The following GSDME variants were observed in gnomAD, a reference collection of about 807,000 sequenced individuals.
GSDME encodes gasdermin E.
A neutral mutation model predicts 47.5 loss-of-function variants in GSDME; 44 were observed. The observed-to-expected ratio is 0.93, with a 90% CI of 0.73 to 1.19. The LOEUF (loss-of-function observed/expected upper bound fraction) is 1.19. Ranked by LOEUF, GSDME falls within the 50% of genes most tolerant of loss-of-function variation. The pLI is 0.00. For synonymous variants in GSDME, 258 were observed against 252.8 expected, an observed-to-expected ratio of 1.02 and a Z score of -0.20; for missense variants, 663 against 604.2, an observed-to-expected ratio of 1.10 and a Z score of -1.02.
chr7:24,732,303 C>G lies in GSDME; in HGVS notation c.404+12259G>C, dbSNP rs539700995. 6.6e-6 allele frequency among the ~76,000 whole-genome samples: 1 copy of G among 152,112 alleles called. No individual in the cohort carries two copies. Among genetic ancestry groups the G allele is most frequent in the Non-Finnish European group, 1.5e-5 (1 of 68,026 alleles). On this transcript the variant is annotated intron_variant, in intron 3 of 9. Coordinates refer to ENST00000645220, the MANE Select transcript of GSDME (RefSeq NM_001127453.2). This position sits in a 1 kb window ranked among gnomAD's most constrained non-coding sequence, Gnocchi z 4.8. Reference sequence around the variant, plus strand: ...AGCCCAGTTCAAACTTTGTTTTTTCCAAGAAAGACATGGCTCCTCAAATCT... The same window carrying G: ...AGCCCAGTTCAAACTTTGTTTTTTCGAAGAAAGACATGGCTCCTCAAATCT...
At position 24,724,498 on chromosome 7, in the gene GSDME, G is replaced by A. The variant is rs1789902119; in HGVS notation, c.405-5280C>T. Among the ~76,000 whole-genome samples the A allele has an allele frequency of 6.6e-6, 1 of 152,216 alleles. No individual in the cohort carries two copies. The highest frequency in any genetic ancestry group is 2.1e-4 in the South Asian group (1 of 4,828). On this transcript the variant is annotated intron_variant, in intron 3 of 9. Coordinates refer to ENST00000645220, the MANE Select transcript of GSDME (RefSeq NM_001127453.2). The surrounding 1 kb of genome is among the most constrained non-coding windows in gnomAD (Gnocchi z 4.8). ...TCCTGGCGGGGGCGGCAACGTGAAA[G>A]CAAGAACAGGAGGCCACTGAGGCAG...
In GSDME at chr7:24,724,440, G is replaced by A. The variant is rs772412046; in HGVS notation, c.405-5222C>T. On this transcript the variant is annotated intron_variant, in intron 3 of 9. Coordinates refer to ENST00000645220, the MANE Select transcript of GSDME (RefSeq NM_001127453.2). The surrounding 1 kb of genome is among the most constrained non-coding windows in gnomAD (Gnocchi z 4.8). Reference sequence around the variant, plus strand: ...ATGAACAAGCAGAGGTTCTTCATCCGCTTCACACATCTAAGGGCAGGCTCC... The same window carrying A: ...ATGAACAAGCAGAGGTTCTTCATCCACTTCACACATCTAAGGGCAGGCTCC... Among the ~76,000 whole-genome samples the A allele has an allele frequency of 5.3e-5, 8 of 152,154 alleles. No individual in the cohort carries two copies. The highest frequency in any genetic ancestry group is 1.0e-4 in the Non-Finnish European group (7 of 68,036).
chr7:24,702,877 C>T (rs1272265867), intron 8 of GSDME, 44 bp from the exon 9 acceptor site: 25 of 1,565,328 alleles, frequency 1.6e-5, no homozygotes, highest in Non-Finnish European at 2.2e-5. Context: ...AAAAACAAGT[C>T]CATGGGAACA....
the GSDME span, among the ~76,000 whole-genome samples, chr7:24,786,028 T>C: frequency 6.6e-6 from 1 of 152,252 alleles, no homozygotes; most frequent in African/African-American, 2.4e-5. This position sits in a 1 kb window ranked among gnomAD's most constrained non-coding sequence, Gnocchi z 5.5. Flanking sequence ...GGCAGGGCTG[T>C]GTCTGGCACA....
rs13229064 is a variant in GSDME at position 24,735,002 on chromosome 7, T to C, written c.404+9560A>G. On this transcript the variant is annotated intron_variant, in intron 3 of 9. Coordinates refer to ENST00000645220, the MANE Select transcript of GSDME (RefSeq NM_001127453.2). This position sits in a 1 kb window ranked among gnomAD's most constrained non-coding sequence, Gnocchi z 4.4. ...AAGAAGACTATCTCAAGGCATTTAA[T>C]AAGCAAATTCCCAAAAATCAAGGAT... Among the ~76,000 whole-genome samples the C allele has an allele frequency of 6.1e-3, 933 of 152,176 alleles. 3 individuals are homozygous for C. Among genetic ancestry groups the C allele is most frequent in the Admixed American group, 0.01 (158 of 15,286 alleles).
chr7:24,699,435 C>T (rs747786746), intron 9 of GSDME, among the ~76,000 whole-genome samples, 176 bp from the exon 10 acceptor site: 1 of 152,130 alleles, frequency 6.6e-6, no homozygotes, highest in Non-Finnish European at 1.5e-5. Context: ...CTCCAGCTCC[C>T]AGGTTCAAGC....
Position 24,706,204 on chromosome 7 carries a change from A to C in GSDME, c.1163T>G (p.Phe388Cys), listed in dbSNP as rs1584048895. Reference sequence around the variant, plus strand: ...CTTACCTGCGAGGGCACTGACCAAGAAGTAGGCTGTCATAAACAGCTGCTT... The same window carrying C: ...CTTACCTGCGAGGGCACTGACCAAGCAGTAGGCTGTCATAAACAGCTGCTT... ...GSKQLFMTAY[F>C]LVSALAEMPD... The change falls in exon 8 of 10, where the codon TTC (phenylalanine) becomes TGC (cysteine). Residue 388 changes from phenylalanine (F) to cysteine (C), a missense_variant. Phe to Cys is a radical substitution (Grantham distance 205). Coordinates refer to ENST00000645220, the MANE Select transcript of GSDME (RefSeq NM_001127453.2). 6.2e-7 allele frequency: 1 copy of C among 1,614,196 alleles called. No homozygotes were observed. Among genetic ancestry groups the C allele is most frequent in the East Asian group, 2.2e-5 (1 of 44,882 alleles).
Position 24,736,573 on chromosome 7 carries a change from G to A in GSDME, c.404+7989C>T, listed in dbSNP as rs75861367. On this transcript the variant is annotated intron_variant, in intron 3 of 9. Transcript: ENST00000645220. This position sits in a 1 kb window ranked among gnomAD's most constrained non-coding sequence, Gnocchi z 4.6. ...ATAGGCCCCCAGTGCAGTAATACCT[G>A]GAGACATCAACACCTAGCTTTCAGC... Among the ~76,000 whole-genome samples, 15,861 of 152,176 alleles carry A rather than the reference G, an allele frequency of 0.1. 889 individuals are homozygous for A. Among genetic ancestry groups the A allele is most frequent in the Admixed American group, 0.12 (1,887 of 15,288 alleles).
chr7:24,698,647 A>G lies in GSDME; in HGVS notation c.*379T>C, dbSNP rs1311027824. On this transcript the variant is annotated 3_prime_UTR_variant, in exon 10 of 10. Coordinates refer to ENST00000645220, the MANE Select transcript of GSDME (RefSeq NM_001127453.2). ...AAATTGCCTTCCCACAGCATTCACA[A>G]TGTAAAAAGACCTTTTGGATTAAAG... is the stretch of plus-strand genomic sequence containing the variant. 9 of 306,674 alleles carry G rather than the reference A, an allele frequency of 2.9e-5. No homozygotes were observed. The highest frequency in any genetic ancestry group is 5.0e-5 in the Non-Finnish European group (8 of 159,526). 19.0% of individuals were successfully genotyped at this position (306,674 alleles called of 1,614,324 possible).
the GSDME span, among the ~76,000 whole-genome samples, chr7:24,782,190 A>G: frequency 4.0e-5 from 6 of 150,096 alleles, no homozygotes; most frequent in East Asian, 2.0e-4. Flanking sequence ...TACGTTAGGT[A>G]TATCTCCTAA....
chr7:24,735,812 C>G lies in GSDME; in HGVS notation c.404+8750G>C, dbSNP rs1790289171. On this transcript the variant is annotated intron_variant, in intron 3 of 9. Transcript: ENST00000645220. This position sits in a 1 kb window ranked among gnomAD's most constrained non-coding sequence, Gnocchi z 4.4. ...ATAAATAAATAAATAAATAAAACTA[C>G]AAAAACTTTTCAAGACATAGACTGT... Among the ~76,000 whole-genome samples the G allele has an allele frequency of 6.6e-6, 1 of 150,490 alleles. No individual in the cohort carries two copies. The highest frequency in any genetic ancestry group is 2.1e-4 in the South Asian group (1 of 4,758).
At position 24,706,196 on chromosome 7, in the gene GSDME, T is replaced by C; in HGVS notation, c.1171A>G (p.Ser391Gly). The change falls in exon 8 of 10, where the codon AGT becomes GGT. Residue 391 changes from serine (S) to glycine (G), a missense_variant. Physicochemically the swap from Ser to Gly is moderately conservative, Grantham distance 56 (BLOSUM62 0). Transcript: ENST00000645220. ...QLFMTAYFLV[S>G]ALAEMPDSAA... Reference sequence around the variant, plus strand: ...CTTTTCTCCTTACCTGCGAGGGCACTGACCAAGAAGTAGGCTGTCATAAAC... The same window carrying C: ...CTTTTCTCCTTACCTGCGAGGGCACCGACCAAGAAGTAGGCTGTCATAAAC... 3 of 1,614,250 alleles carry C rather than the reference T, an allele frequency of 1.9e-6. No individual in the cohort carries two copies. Among genetic ancestry groups the C allele is most frequent in the Non-Finnish European group, 1.7e-6 (2 of 1,180,050 alleles).
rs1422964960 is a variant in GSDME, at chr7:24,712,776, T to C, written c.698-2388A>G. ...GCTCACACCTATAATCCTAACACTT[T>C]GGGAGGTCGAGGCGGGCGGATCACC... On this transcript the variant is annotated intron_variant, in intron 5 of 9. Coordinates refer to ENST00000645220, the MANE Select transcript of GSDME (RefSeq NM_001127453.2). The surrounding 1 kb of genome is among the most constrained non-coding windows in gnomAD (Gnocchi z 4.4). Among the ~76,000 whole-genome samples, 55 of 152,108 alleles carry C rather than the reference T, an allele frequency of 3.6e-4. No individual in the cohort carries two copies.
chr7:24,718,898 T>C (rs1157610763), intron 4 of GSDME, 149 bp downstream of exon 4: 9 of 875,642 alleles, frequency 1.0e-5, no homozygotes, highest in African/African-American at 3.3e-5. Context: ...GCCAATACAC[T>C]CTTGCTCATT....
intron 1 of GSDME, 82 bp from the exon 2 acceptor site, chr7:24,749,875 C>A: frequency 1.2e-6 from 1 of 851,224 alleles, no homozygotes; most frequent in Admixed American, 2.1e-5. Flanking sequence ...GTATTTCTCC[C>A]TATTCACAAC....
the GSDME span, among the ~76,000 whole-genome samples, chr7:24,793,143 G>T: frequency 2.6e-5 from 4 of 152,044 alleles, no homozygotes; most frequent in African/African-American, 9.7e-5. Context: ...CTTTATATTA[G>T]TGTGTTATTA....
chr7:24,711,830 A>G (rs1299163159), intron 5 of GSDME, among the ~76,000 whole-genome samples: 1 of 151,878 alleles, frequency 6.6e-6, no homozygotes, highest in African/African-American at 2.4e-5. Context: ...AAAAAAAAAA[A>G]AAAGGCAAAG....
rs1402135553 is a variant in GSDME at position 24,699,014 on chromosome 7, T to A, written c.*12A>T. The A allele has an allele frequency of 6.3e-7, 1 of 1,580,106 alleles. No individual in the cohort carries two copies. Among genetic ancestry groups the A allele is most frequent in the Non-Finnish European group, 8.7e-7 (1 of 1,149,870 alleles). ...TTGGCCAGTAACACGTACTTCTAGT[T>A]CACATATGACATCATGAATGTTCTC... On this transcript the variant is annotated 3_prime_UTR_variant, in exon 10 of 10. Coordinates refer to ENST00000645220, the MANE Select transcript of GSDME (RefSeq NM_001127453.2).
the GSDME span, among the ~76,000 whole-genome samples, chr7:24,788,294 G>A: frequency 2.0e-5 from 3 of 152,226 alleles, no homozygotes; most frequent in East Asian, 1.9e-4. The surrounding 1 kb of genome is among the most constrained non-coding windows in gnomAD (Gnocchi z 4.6). Context: ...GTGGTGCCCC[G>A]AGGAGACAGG....
Sources: allele counts gnomAD v4.1 joint callset (sites outside exome capture counted in the v4.1 genomes callset), GRCh38; gene constraint gnomAD v4.1.1; non-coding constraint Gnocchi (gnomAD v3.1); transcripts MANE v1.5; gene names NCBI Gene and HGNC (gene_info 2026-07-23, HGNC 2026-07-21).